The following OMA1 variants were observed in gnomAD, a reference collection of about 807,000 sequenced individuals.
OMA1 encodes metalloendopeptidase OMA1, mitochondrial.
A neutral mutation model predicts 30.9 loss-of-function variants in OMA1; 38 were observed. The ratio of observed to expected loss-of-function variants is 1.23; its 90% CI spans 0.95 to 1.61. OMA1 has a LOEUF of 1.61. Among genes scored for constraint, OMA1 ranks in the 40% most tolerant of loss-of-function variants. OMA1 has a pLI of 0.00. For synonymous variants in OMA1, 173 were observed against 121.9 expected (o/e 1.42, Z -2.76); for missense variants, 461 against 349.2 (o/e 1.32, Z -2.55).
At chr1:58,523,624 GC>G (rs1646301981) in intron 7 of OMA1, among the ~76,000 whole-genome samples, 1 of 152,130 alleles carries the variant, frequency 6.6e-6, no homozygotes, top group Admixed American at 6.5e-5. Context: ...TCCTGGCCGG[GC>G]GCAGTGGCTC....
Position 58,527,294 on chromosome 1 carries a change from T to C in OMA1, c.1182A>G (p.Glu394=). The change falls in exon 7 of 9, where the codon GAA becomes GAG. Residue 394 remains glutamate, a synonymous_variant. Coordinates refer to ENST00000371226, the MANE Select transcript of OMA1 (RefSeq NM_145243.5). ...CAAGCAGTAGTCCAATTTTGTCAGC[T>C]TCGGCCTCCAATTTTCTGCTGTATG... ...NRPYSRKLEA[E]ADKIGLLLAA... is the part of the protein sequence containing the mutation. The C allele has an allele frequency of 1.1e-6, 1 of 872,344 alleles. No individual in the cohort carries two copies. Among genetic ancestry groups the C allele is most frequent in the Non-Finnish European group, 2.0e-6 (1 of 501,272 alleles). The allele number at this position is 872,344 out of a possible 1,614,324, so 54.0% of individuals were successfully genotyped here.
chr1:58,529,526 C>A (rs988491714), intron 6 of OMA1, among the ~76,000 whole-genome samples: 16 of 152,178 alleles, frequency 1.1e-4, no homozygotes, highest in Admixed American at 7.2e-4. Context: ...CCTAGTAAGA[C>A]TTTCCTTTCA....
At chr1:58,494,029 T>C (rs1346860213) in intron 8 of OMA1, among the ~76,000 whole-genome samples, 1 of 151,948 alleles carries the variant, frequency 6.6e-6, no homozygotes, top group Non-Finnish European at 1.5e-5. Flanking sequence ...ACTACAAGGC[T>C]ACAGTAACCA....
At chr1:58,506,744 GAAC>G (rs765123980) in intron 7 of OMA1, among the ~76,000 whole-genome samples, 3 of 151,964 alleles carry the variant, frequency 2.0e-5, no homozygotes, top group Non-Finnish European at 4.4e-5. Context: ...TATGCCACTA[GAAC>G]AATCAGAAAA....
intron 2 of OMA1, among the ~76,000 whole-genome samples, chr1:58,538,016 G>A (rs1176151642): frequency 6.6e-6 from 1 of 152,162 alleles, no homozygotes; most frequent in African/African-American, 2.4e-5. Flanking sequence ...TCGCTTTTGG[G>A]TGCCAACACC....
chr1:58,514,776 A>AAT (rs1646134700), intron 7 of OMA1, among the ~76,000 whole-genome samples: 2 of 152,208 alleles, frequency 1.3e-5, no homozygotes, highest in Non-Finnish European at 2.9e-5. Context: ...TTTTAGAAGC[A>AAT]ATACTGCAGA....
intron 8 of OMA1, among the ~76,000 whole-genome samples, chr1:58,497,275 G>A (rs961238538): frequency 6.6e-6 from 1 of 152,084 alleles, no homozygotes; most frequent in African/African-American, 2.4e-5. Flanking sequence ...AGGACTTTAG[G>A]GACGTAAGGA....
intron 8 of OMA1, among the ~76,000 whole-genome samples, chr1:58,482,157 G>A (rs1645497455): frequency 6.6e-6 from 1 of 152,206 alleles, no homozygotes; most frequent in South Asian, 2.1e-4. Flanking sequence ...TCATCATACT[G>A]AGAAGGGGAG....
intron 7 of OMA1, among the ~76,000 whole-genome samples, chr1:58,518,004 T>C (rs904850345): frequency 2.0e-5 from 3 of 150,828 alleles, no homozygotes; most frequent in East Asian, 4.0e-4. Flanking sequence ...CTGCCCAACA[T>C]GGAGAAACCC....
intron 7 of OMA1, among the ~76,000 whole-genome samples, chr1:58,519,485 C>T (rs1431229657): frequency 6.6e-6 from 1 of 152,098 alleles, no homozygotes; most frequent in Non-Finnish European, 1.5e-5. Flanking sequence ...AGCTCATCAT[C>T]CCAGCCTATG....
At position 58,480,865 on chromosome 1, in the gene OMA1, T is replaced by A. The variant is rs1428873520; in HGVS notation, c.*100A>T. On this transcript the variant is annotated 3_prime_UTR_variant, in exon 9 of 9. Coordinates refer to ENST00000371226, the MANE Select transcript of OMA1 (RefSeq NM_145243.5). ...AATGTACATGATTTGACCCTGAATA[T>A]CCTTTTTTTTTTCACTTCAAACATC... The A allele has an allele frequency of 1.5e-6, 1 of 673,432 alleles. No homozygotes were observed. Among genetic ancestry groups the A allele is most frequent in the African/African-American group, 1.9e-5 (1 of 53,294 alleles). 41.7% of individuals were successfully genotyped at this position (673,432 alleles called of 1,614,324 possible).
At chr1:58,507,929 T>C (rs1269608270) in intron 7 of OMA1, among the ~76,000 whole-genome samples, 1 of 152,172 alleles carries the variant, frequency 6.6e-6, no homozygotes, top group Non-Finnish European at 1.5e-5. Flanking sequence ...GATAAACATT[T>C]GAATGGACTA....
rs944180797 is a variant in OMA1, at chr1:58,537,691, A to G, written c.501-950T>C. On this transcript the variant is annotated intron_variant, in intron 2 of 8. Coordinates refer to ENST00000371226, the MANE Select transcript of OMA1 (RefSeq NM_145243.5). ...TTCTCTTGACAAAAATTTATTTTACAAATTCTTAAAGTTCTCTTTGTGAAG... is the reference window on the plus strand; with the variant it reads ...TTCTCTTGACAAAAATTTATTTTACGAATTCTTAAAGTTCTCTTTGTGAAG... Among the ~76,000 whole-genome samples the G allele has an allele frequency of 2.0e-5, 3 of 152,322 alleles. No individual in the cohort carries two copies. In the East Asian group the frequency reaches 5.8e-4, roughly 29 times the overall value.
intron 1 of OMA1, among the ~76,000 whole-genome samples, chr1:58,539,806 C>T (rs573266768): frequency 2.8e-4 from 43 of 152,228 alleles, no homozygotes; most frequent in African/African-American, 9.6e-4. Flanking sequence ...TTCCAGGCCA[C>T]AATGCAGACA....
At chr1:58,523,499 G>A (rs1417802527) in intron 7 of OMA1, among the ~76,000 whole-genome samples, 1 of 152,194 alleles carries the variant, frequency 6.6e-6, no homozygotes, top group East Asian at 1.9e-4. Context: ...TCTGATCTGA[G>A]ACTCAACTAG....
At chr1:58,490,288 G>A (rs1310671397) in intron 8 of OMA1, among the ~76,000 whole-genome samples, 1 of 152,200 alleles carries the variant, frequency 6.6e-6, no homozygotes, top group Non-Finnish European at 1.5e-5. Flanking sequence ...AGAACTACGT[G>A]ACGAATGCAC....
At chr1:58,530,191 C>A (rs1458308230) in intron 6 of OMA1, among the ~76,000 whole-genome samples, 1 of 152,128 alleles carries the variant, frequency 6.6e-6, no homozygotes, top group Non-Finnish European at 1.5e-5. Flanking sequence ...AATACCATGC[C>A]ATTTTTTATC....
intron 8 of OMA1, 70 bp from the exon 9 acceptor site, chr1:58,481,244 C>T: frequency 3.8e-6 from 2 of 525,288 alleles, no homozygotes; most frequent in East Asian, 3.2e-5. Context: ...TTTCAGTAAT[C>T]CCTAATATGC....
intron 8 of OMA1, among the ~76,000 whole-genome samples, chr1:58,484,804 C>A (rs1047859091): frequency 6.6e-6 from 1 of 151,962 alleles, no homozygotes. Context: ...GAGAAAAAAG[C>A]CAATCTGAAA....
Sources: gnomAD v4.1 joint callset for allele counts (sites outside exome capture counted in the v4.1 genomes callset) on GRCh38, gnomAD v4.1.1 for gene constraint, MANE v1.5 for transcripts, NCBI Gene and HGNC (gene_info 2026-07-23, HGNC 2026-07-21) for gene names.